CNTRL: variants seen among roughly 807,000 people sequenced by gnomAD.
The protein encoded by CNTRL is 110 kDa centrosomal protein.
In CNTRL, 233 loss-of-function variants were observed where a neutral mutation model predicts 303.7. That is an observed-to-expected ratio of 0.77 (90% CI 0.69 to 0.86). The LOEUF is 0.86. CNTRL is among the 40% of genes least tolerant of loss of function. CNTRL has a pLI of 0.00. For missense variants in CNTRL, 2,524 were observed against 2,650.6 expected, an observed-to-expected ratio of 0.95 and a Z score of 1.05; for synonymous variants, 900 against 922.2, an observed-to-expected ratio of 0.98 and a Z score of 0.44.
intron 34 of CNTRL, among the ~76,000 whole-genome samples, chr9:121,164,094 G>A (rs2052986100): frequency 6.6e-6 from 1 of 152,124 alleles, no homozygotes; most frequent in African/African-American, 2.4e-5. Flanking sequence ...TCCATCCCCT[G>A]ACCTCGTGAT....
intron 24 of CNTRL, among the ~76,000 whole-genome samples, chr9:121,149,511 C>G (rs2052088595): frequency 6.6e-6 from 1 of 151,964 alleles, no homozygotes; most frequent in Non-Finnish European, 1.5e-5. Flanking sequence ...AAGCAATTCT[C>G]TCTCCTGTTT....
chr9:121,082,364 A>C (rs892988087), intron 2 of CNTRL, among the ~76,000 whole-genome samples: 1 of 152,204 alleles, frequency 6.6e-6, no homozygotes, highest in African/African-American at 2.4e-5. Context: ...CATACTCCTA[A>C]GTTAGGCTTT....
At position 121,146,220 on chromosome 9, in the gene CNTRL, C is replaced by T. The variant is rs1486620326; in HGVS notation, c.3423C>T (p.Gly1141=). The T allele has an allele frequency of 2.5e-6, 4 of 1,613,170 alleles. No individual in the cohort carries two copies. The African/African-American group carries it at 4.0e-5, about 16-fold the overall frequency. ...TGGCAGATCCTTTCAAAAGACGAGGCTATTGGTACTTTATGCCACCACCAC... is the reference window on the plus strand; with the variant it reads ...TGGCAGATCCTTTCAAAAGACGAGGTTATTGGTACTTTATGCCACCACCAC... ...SSMADPFKRR[G]YWYFMPPPPS... The change falls in exon 23 of 44, where the codon GGC becomes GGT. Residue 1141 remains glycine, a synonymous_variant. Coordinates refer to ENST00000373855, the MANE Select transcript of CNTRL (RefSeq NM_007018.6).
chr9:121,176,170 T>C (rs2053515793), intron 43 of CNTRL, among the ~76,000 whole-genome samples: 1 of 152,354 alleles, frequency 6.6e-6, no homozygotes, highest in Non-Finnish European at 1.5e-5. Flanking sequence ...GTAGGACTTA[T>C]CCTTTTATAT....
Position 121,135,944 on chromosome 9 carries a change from C to G in CNTRL, c.2164C>G (p.Leu722Val), listed in dbSNP as rs774106617. Reference protein sequence around the residue: ...LNLRDAEANQLKEELEKVTRL... With the variant: ...LNLRDAEANQVKEELEKVTRL... ...CCTAAGGGATGCTGAAGCCAACCAG[C>G]TCAAGGAAGAGTTGGAAAAAGTAAC... The change falls in exon 15 of 44, where the codon CTC (leucine) becomes GTC (valine). Residue 722 changes from leucine to valine, a missense_variant. Physicochemically the swap from Leu to Val is conservative, Grantham distance 32. Coordinates refer to ENST00000373855, the MANE Select transcript of CNTRL (RefSeq NM_007018.6). 2 of 1,612,286 alleles carry G rather than the reference C, an allele frequency of 1.2e-6. No individual in the cohort carries two copies. The highest frequency in any genetic ancestry group is 1.7e-6 in the Non-Finnish European group (2 of 1,178,792).
At chr9:121,159,137 C>A in intron 31 of CNTRL, 118 bp downstream of exon 31, 1 of 1,030,412 alleles carries the variant, frequency 9.7e-7, no homozygotes, top group Non-Finnish European at 1.4e-6. Flanking sequence ...CTTGCCTCCT[C>A]TGTAAAATCA....
chr9:121,076,799 T>C (rs2047943313), intron 1 of CNTRL, among the ~76,000 whole-genome samples: 1 of 151,848 alleles, frequency 6.6e-6, no homozygotes. Context: ...ATCAGGATAT[T>C]TGAAAGGAGG....
At chr9:121,129,535 C>T (rs1024484468) in intron 14 of CNTRL, among the ~76,000 whole-genome samples, 2 of 152,190 alleles carry the variant, frequency 1.3e-5, no homozygotes, top group Non-Finnish European at 2.9e-5. Context: ...GAGATTTTGG[C>T]TGAGACGATG....
intron 29 of CNTRL, 24 bp downstream of exon 29, chr9:121,157,904 A>G: frequency 3.7e-6 from 6 of 1,613,814 alleles, no homozygotes; most frequent in South Asian, 1.1e-5. Context: ...CTGTAGGGCT[A>G]CAAGGGGTTT....
At chr9:121,161,369 A>G (rs2052848215) in intron 32 of CNTRL, 2 of 397,896 alleles carry the variant, frequency 5.0e-6, no homozygotes, top group East Asian at 7.3e-5. Context: ...AAATTGTTAT[A>G]TAAATCTCAG....
intron 12 of CNTRL, among the ~76,000 whole-genome samples, chr9:121,120,762 GA>G (rs1255650353): frequency 6.6e-6 from 1 of 152,196 alleles, no homozygotes; most frequent in Non-Finnish European, 1.5e-5. Context: ...ACATGGAAAG[GA>G]GGTAAATGAG....
intron 2 of CNTRL, among the ~76,000 whole-genome samples, chr9:121,080,980 A>G (rs893957983): frequency 1.3e-5 from 2 of 152,240 alleles, no homozygotes; most frequent in African/African-American, 4.8e-5. Context: ...GGATTAGTGA[A>G]GTGTGGACAG....
At chr9:121,149,656 C>T (rs1406274539) in intron 24 of CNTRL, among the ~76,000 whole-genome samples, 7 of 152,010 alleles carry the variant, frequency 4.6e-5, no homozygotes, top group Non-Finnish European at 1.0e-4. Flanking sequence ...ATCTGCCTGC[C>T]TCGGCCTCCC....
intron 7 of CNTRL, among the ~76,000 whole-genome samples, chr9:121,102,931 C>T (rs747710515): frequency 5.9e-5 from 9 of 152,282 alleles, no homozygotes; most frequent in East Asian, 1.9e-4. Flanking sequence ...ATTCCATGCT[C>T]GTGGATAGGA....
At chr9:121,147,047 G>A (rs1051194804) in intron 23 of CNTRL, among the ~76,000 whole-genome samples, 1 of 152,196 alleles carries the variant, frequency 6.6e-6, no homozygotes, top group African/African-American at 2.4e-5. Flanking sequence ...GTGTCCCCCA[G>A]GCTGGAGTGC....
chr9:121,176,611 C>G (rs2053535116), intron 43 of CNTRL, among the ~76,000 whole-genome samples: 1 of 152,138 alleles, frequency 6.6e-6, no homozygotes, highest in Admixed American at 6.5e-5. Flanking sequence ...ATTACCAGCT[C>G]AAGGTGGCAG....
intron 7 of CNTRL, among the ~76,000 whole-genome samples, chr9:121,103,151 C>T (rs1192743365): frequency 6.6e-6 from 1 of 152,220 alleles, no homozygotes; most frequent in Non-Finnish European, 1.5e-5. Flanking sequence ...TCAAACTATA[C>T]TACAAGGCTA....
rs1353817749 is a variant in CNTRL at position 121,092,748 on chromosome 9, AT to A, written c.349-2139del. ...ATATATATATAATATATATCTATAT[AT>A]AATATATATCTATATATATTATATA... On this transcript the variant is annotated intron_variant, in intron 4 of 43. Coordinates refer to ENST00000373855, the MANE Select transcript of CNTRL (RefSeq NM_007018.6). Among the ~76,000 whole-genome samples, 2 of 90,072 alleles carry A rather than the reference AT, an allele frequency of 2.2e-5. 1 individual carries two copies. The highest frequency in any genetic ancestry group is 4.0e-5 in the Non-Finnish European group (2 of 49,862). 59.1% of individuals were successfully genotyped at this position (90,072 alleles called of 152,430 possible). A position where few individuals can be genotyped will look rare whatever the true frequency, so the allele number is the denominator to read the frequency against.
At chr9:121,078,415 GA>G (rs1006811156) in intron 1 of CNTRL, among the ~76,000 whole-genome samples, 2 of 151,856 alleles carry the variant, frequency 1.3e-5, no homozygotes, top group African/African-American at 4.8e-5. Context: ...CTCAAAAAAA[GA>G]AAAAAATAGT....
Sources: allele counts gnomAD v4.1 joint callset (sites outside exome capture counted in the v4.1 genomes callset), GRCh38; gene constraint gnomAD v4.1.1; transcripts MANE v1.5; gene names NCBI Gene and HGNC (gene_info 2026-07-23, HGNC 2026-07-21).